MIA2: variants seen among roughly 807,000 people sequenced by gnomAD.
The protein encoded by MIA2 is melanoma inhibitory activity protein 2.
Under a neutral mutation model 167.8 loss-of-function variants are expected in MIA2, and 127 were observed. The ratio of observed to expected loss-of-function variants is 0.76; its 90% CI spans 0.66 to 0.88. The LOEUF is 0.88. MIA2 is among the 40% of genes least tolerant of loss of function. MIA2 has a pLI of 0.00. For missense variants in MIA2, 1,690 were observed against 1,624.7 expected (o/e 1.04, Z -0.69); for synonymous variants, 552 against 541.9 (o/e 1.02, Z -0.26).
chr14:39,333,501 G>A (rs537876340), intron 25 of MIA2, among the ~76,000 whole-genome samples: 2 of 152,108 alleles, frequency 1.3e-5, no homozygotes, highest in Non-Finnish European at 2.9e-5. Flanking sequence ...CTCCTTTCTA[G>A]GATATCCCAA....
chr14:39,244,420 G>C (rs913168059), intron 3 of MIA2, among the ~76,000 whole-genome samples: 3 of 152,198 alleles, frequency 2.0e-5, no homozygotes, highest in Admixed American at 2.0e-4. Context: ...TTGAGGCATA[G>C]AAAGATCATA....
chr14:39,248,118 T>C lies in MIA2; in HGVS notation c.1544T>C (p.Phe515Ser). The change falls in exon 4 of 29, where the codon TTC (phenylalanine) becomes TCC (serine). Residue 515 changes from phenylalanine to serine, a missense_variant. Phe to Ser is a radical substitution (Grantham distance 155). Transcript: ENST00000640607. ...YPTDNTKVMI[F>S]KSSYSLSDMV... Reference sequence around the variant, plus strand: ...ACAGATAATACAAAAGTTATGATATTCAAAAGTTCATACAGTCTGTCAGGT... The same window carrying C: ...ACAGATAATACAAAAGTTATGATATCCAAAAGTTCATACAGTCTGTCAGGT... The C allele has an allele frequency of 6.6e-7, 1 of 1,504,288 alleles. No individual in the cohort carries two copies. The highest frequency in any genetic ancestry group is 8.9e-7 in the Non-Finnish European group (1 of 1,123,492). The allele number at this position is 1,504,288 out of a possible 1,614,324, so 93.2% of individuals were successfully genotyped here.
intron 9 of MIA2, among the ~76,000 whole-genome samples, chr14:39,290,098 A>C (rs1375666102): frequency 1.3e-5 from 2 of 152,156 alleles, no homozygotes; most frequent in East Asian, 3.9e-4. Flanking sequence ...TGGACAGGTC[A>C]TTGTTTAGCC....
chr14:39,294,707 A>C (rs60852916), intron 12 of MIA2, among the ~76,000 whole-genome samples: 2,799 of 152,276 alleles, frequency 0.018, 97 homozygotes, highest in African/African-American at 0.064. Context: ...GAAAGTTACA[A>C]GAGGTTTGTC....
At chr14:39,352,632 C>T (rs1350783317), downstream of MIA2, among the ~76,000 whole-genome samples, 1 of 151,984 alleles carries the variant, frequency 6.6e-6, no homozygotes, top group African/African-American at 2.4e-5. Context: ...TATAAAATGG[C>T]TTAGTATTTG....
chr14:39,334,368 G>C (rs969217462), intron 25 of MIA2, among the ~76,000 whole-genome samples: 12 of 151,812 alleles, frequency 7.9e-5, no homozygotes, highest in Non-Finnish European at 1.5e-4. Flanking sequence ...TCAGCTACTC[G>C]GGAGGCTGAG....
intron 6 of MIA2, among the ~76,000 whole-genome samples, chr14:39,254,965 C>T (rs1303640525): frequency 1.3e-5 from 2 of 152,128 alleles, no homozygotes; most frequent in Non-Finnish European, 2.9e-5. Flanking sequence ...ACCAGGTTTC[C>T]AGCTCAGGGA....
intron 9 of MIA2, among the ~76,000 whole-genome samples, chr14:39,283,188 T>G (rs1048738715): frequency 1.3e-5 from 2 of 152,230 alleles, no homozygotes; most frequent in African/African-American, 4.8e-5. Flanking sequence ...TGAATAATGC[T>G]GCAGTGAACA....
rs527749118 is a variant in MIA2, at chr14:39,284,134, A to G, written c.2130+4597A>G. Among the ~76,000 whole-genome samples, 8 of 152,296 alleles carry G rather than the reference A, an allele frequency of 5.3e-5. No homozygotes were observed. In the South Asian group the frequency reaches 8.3e-4, roughly 16 times the overall value. On this transcript the variant is annotated intron_variant, in intron 9 of 28. Coordinates refer to ENST00000640607, the MANE Select transcript of MIA2 (RefSeq NM_001329214.4). The stretch of plus-strand genomic sequence containing the variant: ...TAGTCAATAAATTATTGCCAAGGCC[A>G]GTGTCAGGGAGCTTTTTCCCTGTGT...
chr14:39,323,453 C>T (rs896843700), intron 24 of MIA2, among the ~76,000 whole-genome samples: 6 of 151,350 alleles, frequency 4.0e-5, no homozygotes, highest in African/African-American at 1.2e-4. Flanking sequence ...AGTCCACCCC[C>T]ACCCCTCCAT....
intron 23 of MIA2, among the ~76,000 whole-genome samples, 172 bp downstream of exon 23, chr14:39,319,463 T>G (rs1206678648): frequency 1.3e-5 from 2 of 151,832 alleles, no homozygotes; most frequent in East Asian, 1.9e-4. Flanking sequence ...GCTTCTAGGT[T>G]TTGTTTCCTG....
At chr14:39,339,623 A>G (rs1029774939) in intron 25 of MIA2, among the ~76,000 whole-genome samples, 4 of 152,164 alleles carry the variant, frequency 2.6e-5, no homozygotes, top group African/African-American at 9.7e-5. Flanking sequence ...ATGATGAGTT[A>G]ATATAATGAA....
intron 19 of MIA2, 109 bp from the exon 20 acceptor site, chr14:39,314,628 TTC>T: frequency 8.0e-6 from 4 of 498,142 alleles, no homozygotes; most frequent in South Asian, 6.2e-5. Flanking sequence ...TTTTTTTTTT[TTC>T]ATGAAGTAGA....
intron 6 of MIA2, among the ~76,000 whole-genome samples, chr14:39,257,739 A>G (rs2054887391): frequency 6.6e-6 from 1 of 152,000 alleles, no homozygotes; most frequent in African/African-American, 2.4e-5. Context: ...TCCTTTCCAT[A>G]TTTAGTGCTT....
intron 17 of MIA2, among the ~76,000 whole-genome samples, chr14:39,305,975 A>G (rs977392569): frequency 1.3e-5 from 2 of 151,856 alleles, no homozygotes; most frequent in East Asian, 1.9e-4. Flanking sequence ...TTAAATAATT[A>G]AGTGTTGGGT....
intron 25 of MIA2, among the ~76,000 whole-genome samples, chr14:39,334,296 A>G (rs1274381806): frequency 6.6e-6 from 1 of 152,020 alleles, no homozygotes; most frequent in East Asian, 1.9e-4. Flanking sequence ...CTAACATGGC[A>G]AAACCCTGTT....
chr14:39,374,377 C>T (rs1433379714), intron 23 of MIA2, among the ~76,000 whole-genome samples: 2 of 152,196 alleles, frequency 1.3e-5, no homozygotes, highest in Non-Finnish European at 2.9e-5. Context: ...TAATAGCCTT[C>T]TCATCAGTAA....
chr14:39,314,305 T>C (rs538800310), intron 19 of MIA2, among the ~76,000 whole-genome samples: 12 of 151,898 alleles, frequency 7.9e-5, no homozygotes, highest in African/African-American at 1.9e-4. Flanking sequence ...GAGAATCATT[T>C]GAACCCTGGA....
chr14:39,307,549 G>T (rs1171055833), intron 17 of MIA2, among the ~76,000 whole-genome samples: 5 of 151,652 alleles, frequency 3.3e-5, no homozygotes, highest in Admixed American at 2.6e-4. Flanking sequence ...TTGCAGGCAC[G>T]CCCCAGCACG....
Sources: allele counts gnomAD v4.1 joint callset (sites outside exome capture counted in the v4.1 genomes callset), GRCh38; gene constraint gnomAD v4.1.1; transcripts MANE v1.5; gene names NCBI Gene and HGNC (gene_info 2026-07-23, HGNC 2026-07-21).